The following LAMA2 variants were observed in gnomAD, a reference collection of about 807,000 sequenced individuals.
LAMA2 encodes laminin subunit alpha 2.
A neutral mutation model predicts 364.8 loss-of-function variants in LAMA2; 269 were observed. That is an observed-to-expected ratio of 0.74 (90% CI 0.67 to 0.82). The LOEUF is 0.82. Among genes scored for constraint, LAMA2 ranks in the 40% least tolerant of loss-of-function variants. The pLI, the probability that LAMA2 is intolerant of heterozygous loss-of-function variation, is 0.00. For missense variants in LAMA2, 3,807 were observed against 3,873.2 expected, an observed-to-expected ratio of 0.98 and a Z score of 0.45; for synonymous variants, 1,379 against 1,370.6, an observed-to-expected ratio of 1.01 and a Z score of -0.14.
chr6:129,405,090 A>G (rs1273760899), intron 40 of LAMA2, among the ~76,000 whole-genome samples: 1 of 152,102 alleles, frequency 6.6e-6, no homozygotes, highest in African/African-American at 2.4e-5. Flanking sequence ...TTCAAATCTA[A>G]ACTAAATTTT....
Position 129,349,292 on chromosome 6 carries a change from A to C in LAMA2, c.4437-6A>C, listed in dbSNP as rs1486120418. 4 of 1,611,716 alleles carry C rather than the reference A, an allele frequency of 2.5e-6. No individual in the cohort carries two copies. The highest frequency in any genetic ancestry group is 1.7e-5 in the Admixed American group (1 of 59,964). ...TTTTTTTGCAATCCTTTTCTTTCTG[A>C]TTCAGTTTCAGCCCCTCTTGTGTCG... On this transcript the variant is annotated splice_polypyrimidine_tract_variant and splice_region_variant and intron_variant, in intron 30 of 64. Transcript: ENST00000421865.
chr6:129,046,319 A>G (rs1389310582), intron 1 of LAMA2, among the ~76,000 whole-genome samples: 1 of 152,224 alleles, frequency 6.6e-6, no homozygotes, highest in Non-Finnish European at 1.5e-5. Context: ...TAATTTATAG[A>G]GAAAAATAGG....
intron 17 of LAMA2, among the ~76,000 whole-genome samples, 164 bp from the exon 18 acceptor site, chr6:129,279,897 T>A (rs2114390062): frequency 6.6e-6 from 1 of 152,300 alleles, no homozygotes; most frequent in Non-Finnish European, 1.5e-5. Flanking sequence ...CAATGTCATT[T>A]CATCCTCCAT....
At chr6:129,242,479 G>T (rs866780896) in intron 12 of LAMA2, among the ~76,000 whole-genome samples, 5 of 151,972 alleles carry the variant, frequency 3.3e-5, no homozygotes, top group South Asian at 2.1e-4. Flanking sequence ...TATTATGAGC[G>T]TGTGGCTTTT....
intron 1 of LAMA2, among the ~76,000 whole-genome samples, chr6:128,909,747 T>G (rs1378136766): frequency 6.6e-6 from 1 of 152,170 alleles, no homozygotes. Context: ...GTCTTTACAT[T>G]TTGGCATGAT....
intron 12 of LAMA2, among the ~76,000 whole-genome samples, chr6:129,239,630 G>T (rs1785255891): frequency 6.6e-6 from 1 of 152,112 alleles, no homozygotes; most frequent in African/African-American, 2.4e-5. Context: ...TATCTTCAGA[G>T]AAATGGATAC....
intron 35 of LAMA2, among the ~76,000 whole-genome samples, chr6:129,386,114 T>G (rs748385059): frequency 3.3e-5 from 5 of 152,120 alleles, no homozygotes; most frequent in Non-Finnish European, 5.9e-5. Flanking sequence ...TTATTTTAAT[T>G]TTATCTGATA....
intron 44 of LAMA2, among the ~76,000 whole-genome samples, chr6:129,444,647 T>TA (rs1440259642): frequency 1.3e-5 from 2 of 152,114 alleles, no homozygotes; most frequent in Admixed American, 1.3e-4. Context: ...AACCTAATTT[T>TA]AAAAAAATGA....
At chr6:129,497,104 G>A (rs767409519) in intron 58 of LAMA2, among the ~76,000 whole-genome samples, 40 of 152,152 alleles carry the variant, frequency 2.6e-4, no homozygotes, top group Non-Finnish European at 5.4e-4. Context: ...GGGATGTGGT[G>A]AGTATTCAAT....
At chr6:128,894,074 A>G (rs1776626733) in intron 1 of LAMA2, among the ~76,000 whole-genome samples, 1 of 152,170 alleles carries the variant, frequency 6.6e-6, no homozygotes, top group African/African-American at 2.4e-5. Context: ...TTGATTCTAT[A>G]CCAAAACTCA....
chr6:128,945,252 C>T (rs188354690), intron 1 of LAMA2, among the ~76,000 whole-genome samples: 267 of 152,168 alleles, frequency 1.8e-3, no homozygotes, highest in African/African-American at 6.1e-3. Flanking sequence ...CTCTGGTGAC[C>T]ATCTGTTAAA....
At chr6:129,447,214 C>T (rs1583772807) in intron 45 of LAMA2, among the ~76,000 whole-genome samples, 1 of 152,174 alleles carries the variant, frequency 6.6e-6, no homozygotes, top group Non-Finnish European at 1.5e-5. Context: ...AATATGTACA[C>T]GTACCTTGTC....
intron 1 of LAMA2, among the ~76,000 whole-genome samples, chr6:129,035,288 T>C (rs932245969): frequency 2.0e-5 from 3 of 150,016 alleles, no homozygotes; most frequent in Admixed American, 2.0e-4. Flanking sequence ...GTCTTTTTCT[T>C]TTCTTTTCTT....
intron 8 of LAMA2, among the ~76,000 whole-genome samples, chr6:129,163,103 T>A (rs1779536786): frequency 6.6e-6 from 1 of 152,168 alleles, no homozygotes; most frequent in Non-Finnish European, 1.5e-5. Context: ...TTAGGCTATT[T>A]TTTTTATTTT....
At position 129,260,792 on chromosome 6, in the gene LAMA2, C is replaced by T. The variant is rs746745097; in HGVS notation, c.2178C>T (p.Cys726=). The change falls in exon 15 of 65, where the codon TGC becomes TGT. Residue 726 remains cysteine, a synonymous_variant. Transcript: ENST00000421865. ...CAGCAGCTGTAGAAGTGTGTCAGTG[C>T]CCACCAGGGTATACTGGCTCCTCTT... ...SIAAAVEVCQ[C]PPGYTGSSCE... 2 of 1,609,062 alleles carry T rather than the reference C, an allele frequency of 1.2e-6. No individual in the cohort carries two copies. The highest frequency in any genetic ancestry group is 2.7e-5 in the African/African-American group (2 of 74,810).
rs543962373 is a variant in LAMA2, at chr6:129,392,419, C to A, written c.5235-626C>A. ...AACTTTGGGGATGGGACCCAGCAAA[C>A]CATGTATTAACAAGCCCTTCAGGGG... On this transcript the variant is annotated intron_variant, in intron 36 of 64. Transcript: ENST00000421865. 3.0e-4 allele frequency among the ~76,000 whole-genome samples: 45 copies of A among 152,242 alleles called. 1 individual carries two copies. Among genetic ancestry groups the A allele is most frequent in the African/African-American group, 1.1e-3 (45 of 41,544 alleles).
chr6:129,377,093 A>G (rs999083840), intron 34 of LAMA2, among the ~76,000 whole-genome samples: 8 of 152,140 alleles, frequency 5.3e-5, no homozygotes, highest in African/African-American at 1.9e-4. Context: ...TTATAATTAT[A>G]TTGTTGAATA....
At chr6:129,437,383 G>A (rs1248675457) in intron 41 of LAMA2, among the ~76,000 whole-genome samples, 1 of 151,908 alleles carries the variant, frequency 6.6e-6, no homozygotes, top group African/African-American at 2.4e-5. Flanking sequence ...AACACTAAAT[G>A]CGTGTAACAT....
At chr6:129,416,296 C>T (rs1443608635) in intron 40 of LAMA2, among the ~76,000 whole-genome samples, 1 of 152,206 alleles carries the variant, frequency 6.6e-6, no homozygotes, top group Non-Finnish European at 1.5e-5. Context: ...TTTTATTCCC[C>T]ACCAATCTCC....
Sources: gnomAD v4.1 joint callset for allele counts (sites outside exome capture counted in the v4.1 genomes callset) on GRCh38, gnomAD v4.1.1 for gene constraint, MANE v1.5 for transcripts, NCBI Gene and HGNC (gene_info 2026-07-23, HGNC 2026-07-21) for gene names.